Variants in ABCA10 observed in about 807,000 individuals in gnomAD.
ABCA10 encodes the protein ATP-binding cassette sub-family A member 10.
In ABCA10, 169 loss-of-function variants were observed where a neutral mutation model predicts 187.5. The observed-to-expected ratio is 0.90, with a 90% CI of 0.80 to 1.02. ABCA10 has a LOEUF of 1.02. Among genes scored for constraint, ABCA10 ranks in the 50% least tolerant of loss-of-function variants. The pLI is 0.00. For synonymous variants in ABCA10, 574 were observed against 601.8 expected (o/e 0.95, Z 0.68); for missense variants, 1,727 against 1,812.4 (o/e 0.95, Z 0.86).
chr17:69,171,608 T>A (rs530632950), intron 25 of ABCA10, among the ~76,000 whole-genome samples: 1 of 152,222 alleles, frequency 6.6e-6, no homozygotes, highest in Non-Finnish European at 1.5e-5. Flanking sequence ...ATTCCAGGCA[T>A]CCCAATTTAT....
intron 25 of ABCA10, among the ~76,000 whole-genome samples, chr17:69,169,139 A>C (rs565287487): frequency 6.6e-6 from 1 of 152,344 alleles, no homozygotes; most frequent in African/African-American, 2.4e-5. Flanking sequence ...TATTATACAT[A>C]TATTCTGATG....
At chr17:69,216,627 C>T (rs9911770) in intron 6 of ABCA10, among the ~76,000 whole-genome samples, 110,191 of 152,038 alleles carry the variant, frequency 0.72, 40,333 homozygotes, top group African/African-American at 0.78. Context: ...GCATGTGGCA[C>T]AGAAAGTAGC....
At chr17:69,160,225 T>C (rs2074205101) in intron 27 of ABCA10, among the ~76,000 whole-genome samples, 1 of 152,180 alleles carries the variant, frequency 6.6e-6, no homozygotes, top group South Asian at 2.1e-4. Flanking sequence ...TTTCAAATCA[T>C]ATATCTGATA....
chr17:69,194,365 T>G lies in ABCA10; in HGVS notation c.1345+20A>C, dbSNP rs1473075846. On this transcript the variant is annotated intron_variant, in intron 12 of 38. Transcript: ENST00000690296. ...AACTTGCTTTTTCAGCCAACTTACT[T>G]TATAAAACTGTTTTCTCACCTTCTG... 3 of 1,588,114 alleles carry G rather than the reference T, an allele frequency of 1.9e-6. No individual in the cohort carries two copies. The African/African-American group carries it at 4.0e-5, about 21-fold the overall frequency.
rs997586270 is a variant in ABCA10 at position 69,220,191 on chromosome 17, T to A, written c.304-420A>T. Among the ~76,000 whole-genome samples the A allele has an allele frequency of 4.6e-5, 7 of 152,000 alleles. No individual in the cohort carries two copies. In the South Asian group the frequency reaches 6.2e-4, roughly 14 times the overall value. ...GAAAGGCTTCCCTAAAGAAGTGACATTTTTACTGAGTGTTGAAGGCTGTGA... is the reference window on the plus strand; with the variant it reads ...GAAAGGCTTCCCTAAAGAAGTGACAATTTTACTGAGTGTTGAAGGCTGTGA... On this transcript the variant is annotated intron_variant, in intron 5 of 38. Coordinates refer to ENST00000690296, the MANE Select transcript of ABCA10 (RefSeq NM_001377321.1).
chr17:69,176,365 G>A (rs1028814080), intron 22 of ABCA10, among the ~76,000 whole-genome samples: 1 of 151,576 alleles, frequency 6.6e-6, no homozygotes, highest in African/African-American at 2.4e-5. Flanking sequence ...GGCATTGAGG[G>A]GTCTTTAAGT....
intron 10 of ABCA10, among the ~76,000 whole-genome samples, chr17:69,197,631 A>G (rs1039275550): frequency 2.6e-5 from 4 of 152,222 alleles, no homozygotes; most frequent in African/African-American, 9.7e-5. Context: ...TAGTTACCAA[A>G]TCTAATGAAC....
Position 69,164,852 on chromosome 17 carries a change from A to G in ABCA10, c.3282+112T>C, listed in dbSNP as rs972579618. 5.5e-6 allele frequency: 7 copies of G among 1,275,854 alleles called. No individual in the cohort carries two copies. In the African/African-American group the frequency reaches 1.0e-4, roughly 19 times the overall value. 79.0% of individuals were successfully genotyped at this position (1,275,854 alleles called of 1,614,324 possible). A position where few individuals can be genotyped will look rare whatever the true frequency, so the allele number is the denominator to read the frequency against. ...TAAAATCTTATTTTTAGAATTTATC[A>G]GCATTGAATAACTTCAAAATTTTAT... is the stretch of plus-strand genomic sequence containing the variant. On this transcript the variant is annotated intron_variant, in intron 26 of 38. Coordinates refer to ENST00000690296, the MANE Select transcript of ABCA10 (RefSeq NM_001377321.1).
chr17:69,239,555 C>T (rs1396878104), intron 1 of ABCA10, among the ~76,000 whole-genome samples: 3 of 152,140 alleles, frequency 2.0e-5, no homozygotes, highest in South Asian at 2.1e-4. Flanking sequence ...CCTTATGCTG[C>T]TAGAGGCCGT....
chr17:69,238,708 G>A (rs2074886846), intron 1 of ABCA10, among the ~76,000 whole-genome samples: 1 of 152,142 alleles, frequency 6.6e-6, no homozygotes, highest in Admixed American at 6.5e-5. Context: ...GATTACTTTG[G>A]AGGAGGTCTG....
rs2074760094 is a variant in ABCA10, at chr17:69,222,706, T to C, written c.35-9A>G. 6.5e-7 allele frequency: 1 copy of C among 1,549,678 alleles called. No individual in the cohort carries two copies. The highest frequency in any genetic ancestry group is 1.4e-5 in the African/African-American group (1 of 70,746). ...CCCAATGACTGTTCTTCCTACCATGTATGAAAAACATAAATAAATAATCAT... is the reference window on the plus strand; with the variant it reads ...CCCAATGACTGTTCTTCCTACCATGCATGAAAAACATAAATAAATAATCAT... On this transcript the variant is annotated splice_polypyrimidine_tract_variant and intron_variant, in intron 3 of 38. Transcript: ENST00000690296.
intron 25 of ABCA10, among the ~76,000 whole-genome samples, chr17:69,173,440 G>A (rs1353260473): frequency 6.6e-6 from 1 of 152,028 alleles, no homozygotes; most frequent in Non-Finnish European, 1.5e-5. Context: ...GTAAAACTTT[G>A]GTCCTTTTAC....
At chr17:69,191,140 C>T in intron 17 of ABCA10, 36 bp downstream of exon 17, 2 of 1,514,246 alleles carry the variant, frequency 1.3e-6, no homozygotes, top group Non-Finnish European at 1.8e-6. Flanking sequence ...ATCGTGAACA[C>T]TTACATATAT....
At chr17:69,184,458 G>A (rs947512697) in intron 20 of ABCA10, among the ~76,000 whole-genome samples, 4 of 151,974 alleles carry the variant, frequency 2.6e-5, no homozygotes, top group Non-Finnish European at 5.9e-5. Flanking sequence ...CTACAACCAA[G>A]GACCCTCACA....
rs58580286 is a variant in ABCA10, at chr17:69,211,314, G to GAT, written c.1006+3388_1006+3389dup. Reference sequence around the variant, plus strand: ...TATCATATATATACATCATATATATGATATATATATATATATATATATATA... The same window carrying GAT: ...TATCATATATATACATCATATATATGATATATATATATATATATATATATATA... On this transcript the variant is annotated intron_variant, in intron 9 of 38. Coordinates refer to ENST00000690296, the MANE Select transcript of ABCA10 (RefSeq NM_001377321.1). Among the ~76,000 whole-genome samples the GAT allele has an allele frequency of 9.9e-3, 298 of 30,190 alleles. 3 individuals carry two copies. Among genetic ancestry groups the GAT allele is most frequent in the South Asian group, 0.016 (13 of 838 alleles). 19.8% of individuals were successfully genotyped at this position (30,190 alleles called of 152,430 possible).
At chr17:69,221,945 C>A (rs2074751660) in intron 4 of ABCA10, 50 bp from the exon 5 acceptor site, 2 of 1,379,850 alleles carry the variant, frequency 1.4e-6, no homozygotes, top group South Asian at 2.7e-5. Context: ...GGAGTCAACT[C>A]CTGGAATTAA....
intron 3 of ABCA10, chr17:69,223,602 C>G (rs1278807605): frequency 2.5e-6 from 1 of 394,222 alleles, no homozygotes; most frequent in East Asian, 8.4e-5. Flanking sequence ...GATGAAAAAG[C>G]TGTTTATTTT....
chr17:69,169,733 AT>A (rs1299478922), intron 25 of ABCA10, among the ~76,000 whole-genome samples: 1 of 152,196 alleles, frequency 6.6e-6, no homozygotes. Context: ...AGATAATGAT[AT>A]GGACAAGTGG....
chr17:69,181,315 T>C (rs192956229), intron 22 of ABCA10, among the ~76,000 whole-genome samples: 50 of 152,312 alleles, frequency 3.3e-4, no homozygotes, highest in Admixed American at 9.8e-4. Flanking sequence ...CTGATTTAAG[T>C]AAATACGCAT....
Sources: gnomAD v4.1 joint callset for allele counts (sites outside exome capture counted in the v4.1 genomes callset) on GRCh38, gnomAD v4.1.1 for gene constraint, MANE v1.5 for transcripts, NCBI Gene and HGNC (gene_info 2026-07-23, HGNC 2026-07-21) for gene names.